Variants in CARNMT1 observed in about 807,000 individuals in gnomAD.
CARNMT1 encodes carnosine N-methyltransferase 1, also known as protein-L-histidine N-pros-methyltransferase CARNMT1.
In CARNMT1, 28 loss-of-function variants were observed where a neutral mutation model predicts 49.6. The observed-to-expected ratio is 0.56, with a 90% CI of 0.42 to 0.77. The LOEUF (loss-of-function observed/expected upper bound fraction) is 0.77. Ranked by LOEUF, CARNMT1 falls within the 30% of genes least tolerant of loss-of-function variation. The probability of loss-of-function intolerance (pLI) is 0.00; values close to 1 mark genes in which losing one functional copy is unlikely to be tolerated. For missense variants in CARNMT1, 421 were observed against 512.6 expected, an observed-to-expected ratio of 0.82 and a Z score of 1.73; for synonymous variants, 178 against 175.0, an observed-to-expected ratio of 1.02 and a Z score of -0.13.
intron 3 of CARNMT1, 46 bp from the exon 4 acceptor site, chr9:74,999,916 A>T (rs1159482957): frequency 6.4e-7 from 1 of 1,553,592 alleles, no homozygotes; most frequent in Non-Finnish European, 8.7e-7. Context: ...AAAGAAAAAA[A>T]GGAAAAGACA....
intron 3 of CARNMT1, among the ~76,000 whole-genome samples, chr9:75,007,554 C>T (rs1021440356): frequency 6.6e-6 from 1 of 151,624 alleles, no homozygotes; most frequent in Non-Finnish European, 1.5e-5. Flanking sequence ...CATGGTGAAA[C>T]CCCGTCTCTA....
chr9:75,000,889 G>A (rs1833333687), intron 3 of CARNMT1, among the ~76,000 whole-genome samples: 1 of 152,040 alleles, frequency 6.6e-6, no homozygotes, highest in South Asian at 2.1e-4. Context: ...AAATAAGAAA[G>A]AACACTATGG....
chr9:75,023,444 G>A (rs1007948679), intron 1 of CARNMT1, among the ~76,000 whole-genome samples: 5 of 152,180 alleles, frequency 3.3e-5, no homozygotes, highest in African/African-American at 1.2e-4. Flanking sequence ...GCAAGGGTGA[G>A]TTGAGATAAG....
intron 6 of CARNMT1, among the ~76,000 whole-genome samples, chr9:74,993,852 T>C (rs557087465): frequency 6.6e-6 from 1 of 152,104 alleles, no homozygotes; most frequent in Non-Finnish European, 1.5e-5. Context: ...AATAGAAGGA[T>C]ATTCAAGAGC....
chr9:74,985,058 A>C lies in CARNMT1; in HGVS notation c.1025-48T>G, dbSNP rs1406643913. 3 of 1,333,530 alleles carry C rather than the reference A, an allele frequency of 2.2e-6. No homozygotes were observed. In the East Asian group the frequency reaches 6.9e-5, roughly 31 times the overall value. 82.6% of individuals were successfully genotyped at this position (1,333,530 alleles called of 1,614,324 possible). On this transcript the variant is annotated intron_variant, in intron 6 of 7. Coordinates refer to ENST00000376834, the MANE Select transcript of CARNMT1 (RefSeq NM_152420.3). ...ATTACTTGAATATAAACATACACTC[A>C]TAGCTGTGTTACACTGAATTCCAAG...
chr9:75,016,532 GAT>G, intron 2 of CARNMT1, 101 bp from the exon 3 acceptor site: 1 of 1,066,482 alleles, frequency 9.4e-7, no homozygotes, highest in East Asian at 2.4e-5. Context: ...TGGTTTAGTG[GAT>G]AAATCACTAG....
At chr9:75,027,040 G>C in intron 1 of CARNMT1, 1 of 1,295,610 alleles carries the variant, frequency 7.7e-7, no homozygotes, top group Non-Finnish European at 1.0e-6. Flanking sequence ...CCCACCTATG[G>C]GAACAGGTTT....
chr9:74,990,813 C>T (rs1335765122), intron 6 of CARNMT1, among the ~76,000 whole-genome samples: 2 of 152,118 alleles, frequency 1.3e-5, no homozygotes, highest in East Asian at 1.9e-4. Context: ...AGGGGGTTGC[C>T]AAACCACTTG....
At chr9:75,009,224 G>A (rs1833613274) in intron 3 of CARNMT1, among the ~76,000 whole-genome samples, 1 of 151,988 alleles carries the variant, frequency 6.6e-6, no homozygotes, top group Non-Finnish European at 1.5e-5. Context: ...ATTTTAAAAA[G>A]TTTTTTCTTT....
chr9:75,018,918 G>C (rs192250393), intron 1 of CARNMT1, among the ~76,000 whole-genome samples: 9 of 146,566 alleles, frequency 6.1e-5, no homozygotes, highest in African/African-American at 2.3e-4. Context: ...AGTGAGCCGA[G>C]ATTGCACCAC....
At chr9:75,021,394 GTATA>G (rs200905551) in intron 1 of CARNMT1, among the ~76,000 whole-genome samples, 4,156 of 143,552 alleles carry the variant, frequency 0.029, 72 homozygotes, top group African/African-American at 0.048. Context: ...ACTATATACA[GTATA>G]TATACTATAT....
rs1379696727 is a variant in CARNMT1, at chr9:74,983,300, A to T, written c.*467T>A. The T allele has an allele frequency of 6.6e-6, 1 of 152,256 alleles. No individual in the cohort carries two copies. Among genetic ancestry groups the T allele is most frequent in the African/African-American group, 2.4e-5 (1 of 41,464 alleles). 9.4% of individuals were successfully genotyped at this position (152,256 alleles called of 1,614,324 possible). A position where few individuals can be genotyped will look rare whatever the true frequency, so the allele number is the denominator to read the frequency against. On this transcript the variant is annotated 3_prime_UTR_variant, in exon 8 of 8. Transcript: ENST00000376834. ...TTACGCATAGTTTTCTTAGATTGAA[A>T]GTGAACAAAGTCCCAACTCCAGATG...
chr9:74,985,788 C>T (rs777963712), intron 6 of CARNMT1, among the ~76,000 whole-genome samples: 14 of 152,242 alleles, frequency 9.2e-5, no homozygotes, highest in South Asian at 2.1e-4. Context: ...CCATGTTGGC[C>T]AGGCTGGTCT....
At chr9:74,999,026 A>T (rs912034528) in intron 4 of CARNMT1, among the ~76,000 whole-genome samples, 6 of 152,172 alleles carry the variant, frequency 3.9e-5, no homozygotes, top group African/African-American at 1.4e-4. Context: ...TCAGATTTTT[A>T]AAAATGTATT....
chr9:75,027,987 C>A, intron 1 of CARNMT1, 25 bp downstream of exon 1: 1 of 1,547,890 alleles, frequency 6.5e-7, no homozygotes, highest in Non-Finnish European at 8.7e-7. Flanking sequence ...ACGGTCTGGG[C>A]CGGGGTCCGC....
chr9:75,028,328 G>A, upstream of CARNMT1: 1 of 1,312,118 alleles, frequency 7.6e-7, no homozygotes, highest in Non-Finnish European at 9.6e-7. Flanking sequence ...TCTAGACGGC[G>A]CCCGCCGCGG....
chr9:75,011,336 T>C (rs917702198), intron 3 of CARNMT1, among the ~76,000 whole-genome samples: 7 of 152,128 alleles, frequency 4.6e-5, no homozygotes, highest in African/African-American at 1.7e-4. Flanking sequence ...CAACAGAATA[T>C]GGCAAAGGTG....
chr9:74,999,857 C>A lies in CARNMT1; in HGVS notation c.604G>T (p.Val202Leu), dbSNP rs1200368441. ...CCAGCACCAGGTACCAGAATATTTA[C>A]TTTAGAAGGATCCCTGAAATGAAAT... Reference protein sequence around the residue: ...FPKERWDPSKVNILVPGAGLG... With the variant: ...FPKERWDPSKLNILVPGAGLG... The change falls in exon 4 of 8, where the codon GTA (valine) becomes TTA (leucine). Residue 202 changes from valine to leucine, a missense_variant. Transcript: ENST00000376834. The A allele has an allele frequency of 6.2e-7, 1 of 1,606,056 alleles. No individual in the cohort carries two copies. Among genetic ancestry groups the A allele is most frequent in the Non-Finnish European group, 8.5e-7 (1 of 1,177,038 alleles).
At chr9:74,989,108 C>T (rs557509354) in intron 6 of CARNMT1, among the ~76,000 whole-genome samples, 35 of 152,128 alleles carry the variant, frequency 2.3e-4, no homozygotes, top group African/African-American at 6.5e-4. Flanking sequence ...TACATTTATT[C>T]TTTTTTTCAT....
Sources: allele counts gnomAD v4.1 joint callset (sites outside exome capture counted in the v4.1 genomes callset), GRCh38; gene constraint gnomAD v4.1.1; transcripts MANE v1.5; gene names NCBI Gene and HGNC (gene_info 2026-07-23, HGNC 2026-07-21).